PRDM2: variants seen among roughly 807,000 people sequenced by gnomAD.
PRDM2 encodes PR/SET domain 2, also known as PR domain zinc finger protein 2.
PRDM2 carries 30 observed loss-of-function variants against 130.0 expected under a neutral mutation model. That is an observed-to-expected ratio of 0.23 (90% CI 0.17 to 0.31). The LOEUF (loss-of-function observed/expected upper bound fraction) is 0.31. Ranked by LOEUF, PRDM2 falls within the 10% of genes least tolerant of loss-of-function variation. The pLI, the probability that PRDM2 is intolerant of heterozygous loss-of-function variation, is 1.00. For missense variants in PRDM2, 2,011 were observed against 2,108.4 expected (o/e 0.95, Z 0.90); for synonymous variants, 871 against 782.4 (o/e 1.11, Z -1.89).
chr1:13,819,373 G>A (rs1337290251), intron 9 of PRDM2, among the ~76,000 whole-genome samples: 4 of 152,146 alleles, frequency 2.6e-5, no homozygotes, highest in African/African-American at 4.8e-5. Flanking sequence ...CAAGCGAAGC[G>A]ATCAAATGAA....
chr1:13,758,818 A>G (rs1432837312), intron 6 of PRDM2, among the ~76,000 whole-genome samples: 1 of 152,218 alleles, frequency 6.6e-6, no homozygotes, highest in African/African-American at 2.4e-5. Flanking sequence ...TTAGATGCTT[A>G]TATATTAAAA....
intron 8 of PRDM2, among the ~76,000 whole-genome samples, chr1:13,789,367 G>A (rs1474854123): frequency 1.3e-5 from 2 of 152,208 alleles, no homozygotes; most frequent in Non-Finnish European, 2.9e-5. Flanking sequence ...AATGTATTGA[G>A]TACTTAATGT....
At chr1:13,703,576 C>T (rs939668884) in intron 1 of PRDM2, among the ~76,000 whole-genome samples, 5 of 152,198 alleles carry the variant, frequency 3.3e-5, no homozygotes, top group East Asian at 1.9e-4. Flanking sequence ...ACTTTTGCTT[C>T]GGCATCAGTT....
At chr1:13,702,259 G>A (rs375059958) in intron 1 of PRDM2, among the ~76,000 whole-genome samples, 37 of 152,064 alleles carry the variant, frequency 2.4e-4, no homozygotes, top group African/African-American at 8.0e-4. Context: ...CTTATGATAC[G>A]GTGAGCATGT....
chr1:13,741,021 A>C (rs1461766154), intron 4 of PRDM2, among the ~76,000 whole-genome samples: 1 of 152,250 alleles, frequency 6.6e-6, no homozygotes, highest in African/African-American at 2.4e-5. Flanking sequence ...CTTCCTAAAA[A>C]TAAAGTAAAA....
intron 6 of PRDM2, chr1:13,769,151 T>C: frequency 1.0e-6 from 1 of 985,736 alleles, no homozygotes; most frequent in Non-Finnish European, 1.2e-6. Flanking sequence ...AGTAGCGCCC[T>C]GTAGGACCCC....
chr1:13,769,286 T>G (rs1644303673), intron 6 of PRDM2: 1 of 547,680 alleles, frequency 1.8e-6, no homozygotes, highest in Admixed American at 6.4e-5. Flanking sequence ...TGGGTTTGGT[T>G]TTTTCTTTTA....
At chr1:13,706,561 C>CA (rs1642216776) in intron 1 of PRDM2, among the ~76,000 whole-genome samples, 1 of 152,198 alleles carries the variant, frequency 6.6e-6, no homozygotes, top group Admixed American at 6.5e-5. Flanking sequence ...ACCACAAGGT[C>CA]AAGTTTAGAT....
At position 13,742,076 on chromosome 1, in the gene PRDM2, T is replaced by C. The variant is rs761835710; in HGVS notation, c.303T>C (p.Tyr101=). ...TDPEKGNWLR[Y]VNWACSGEEQ... is the part of the protein sequence containing the mutation. The stretch of plus-strand genomic sequence containing the variant: ...CAGAGAAGGGAAACTGGCTGCGATA[T>C]GTGAATTGGGCTTGCTCAGGAGAAG... Residue 101 remains tyrosine, a synonymous_variant, in exon 5 of 10, where the codon TAT becomes TAC. Coordinates refer to ENST00000311066, the MANE Select transcript of PRDM2 (RefSeq NM_001393986.1). 19 of 1,609,266 alleles carry C rather than the reference T, an allele frequency of 1.2e-5. No individual in the cohort carries two copies. Among genetic ancestry groups the C allele is most frequent in the Non-Finnish European group, 1.6e-5 (19 of 1,175,596 alleles).
intron 5 of PRDM2, 22 bp from the exon 6 acceptor site, chr1:13,749,339 C>G (rs1238366691): frequency 6.8e-7 from 1 of 1,466,788 alleles, no homozygotes; most frequent in Non-Finnish European, 9.1e-7. Context: ...TGGCCCGGCG[C>G]TTGTCTCTTC....
At chr1:13,762,630 A>G (rs964737025) in intron 6 of PRDM2, among the ~76,000 whole-genome samples, 4 of 152,184 alleles carry the variant, frequency 2.6e-5, no homozygotes. Flanking sequence ...TATATTGGCA[A>G]AAAATAGAAA....
chr1:13,788,814 G>A (rs1437035941), intron 8 of PRDM2, among the ~76,000 whole-genome samples: 1 of 152,204 alleles, frequency 6.6e-6, no homozygotes, highest in African/African-American at 2.4e-5. Context: ...TCTGCTGGCC[G>A]TTCATCCCTT....
At chr1:13,714,604 T>A (rs1231249725) in intron 1 of PRDM2, among the ~76,000 whole-genome samples, 1 of 152,144 alleles carries the variant, frequency 6.6e-6, no homozygotes, top group Non-Finnish European at 1.5e-5. Flanking sequence ...AAACAGTGGG[T>A]AGGCAGTAGG....
chr1:13,815,189 C>T (rs973491976), intron 8 of PRDM2, among the ~76,000 whole-genome samples: 2 of 152,164 alleles, frequency 1.3e-5, no homozygotes, highest in East Asian at 1.9e-4. Flanking sequence ...TCACTGCAAC[C>T]TCTGCCTCCC....
intron 8 of PRDM2, among the ~76,000 whole-genome samples, chr1:13,800,537 C>T (rs1374026019): frequency 6.6e-6 from 1 of 152,082 alleles, no homozygotes; most frequent in African/African-American, 2.4e-5. Flanking sequence ...TGAGCAGCAG[C>T]CATGTGGGTA....
chr1:13,783,245 A>G (rs1415795349), intron 8 of PRDM2: 1 of 478,894 alleles, frequency 2.1e-6, no homozygotes, highest in Non-Finnish European at 4.1e-6. Context: ...AAACCATGTT[A>G]CAATCTTGTT....
At chr1:13,752,399 A>G (rs1001607174) in intron 6 of PRDM2, among the ~76,000 whole-genome samples, 19 of 152,250 alleles carry the variant, frequency 1.2e-4, no homozygotes, top group African/African-American at 3.6e-4. Context: ...TAAGTTCCTT[A>G]GATGGAATAG....
chr1:13,817,334 A>T (rs1475174430), intron 9 of PRDM2, among the ~76,000 whole-genome samples: 1 of 152,250 alleles, frequency 6.6e-6, no homozygotes, highest in Non-Finnish European at 1.5e-5. Context: ...TCCATAAAAT[A>T]TAAAACTCAG....
chr1:13,704,905 G>A (rs1312058321), intron 1 of PRDM2: 2 of 152,144 alleles, frequency 1.3e-5, no homozygotes, highest in Non-Finnish European at 2.9e-5. Context: ...TATTTTTTAG[G>A]GACTTTGCTA....
Sources: gnomAD v4.1 joint callset for allele counts (sites outside exome capture counted in the v4.1 genomes callset) on GRCh38, gnomAD v4.1.1 for gene constraint, MANE v1.5 for transcripts, NCBI Gene and HGNC (gene_info 2026-07-23, HGNC 2026-07-21) for gene names.